The following SPACA7 variants were observed in gnomAD, a reference collection of about 807,000 sequenced individuals.
SPACA7 encodes sperm acrosome associated 7, also known as sperm acrosome-associated protein 7.
A neutral mutation model predicts 26.3 loss-of-function variants in SPACA7; 19 were observed. The observed-to-expected ratio is 0.72, with a 90% CI of 0.50 to 1.06. The LOEUF is 1.06. Ranked by LOEUF, SPACA7 falls within the 50% of genes least tolerant of loss-of-function variation. SPACA7 has a pLI of 0.00. For missense variants in SPACA7, 211 were observed against 229.9 expected, an observed-to-expected ratio of 0.92 and a Z score of 0.53; for synonymous variants, 84 against 84.5, an observed-to-expected ratio of 0.99 and a Z score of 0.04.
Position 112,381,493 on chromosome 13 carries a change from C to CAA in SPACA7, c.94+5014_94+5015insAA, listed in dbSNP as rs1884057942. On this transcript the variant is annotated intron_variant, in intron 1 of 6. Coordinates refer to ENST00000283550, the MANE Select transcript of SPACA7 (RefSeq NM_145248.5). ...GGCTGACAGAATGAGACCCTGTCCC[C>CAA]CAAAAAAAAAAAAAAAAATGCAGAC... 4.9e-5 allele frequency among the ~76,000 whole-genome samples: 7 copies of CAA among 142,664 alleles called. No homozygotes were observed. The South Asian group carries it at 1.6e-3, about 32-fold the overall frequency. 93.6% of individuals were successfully genotyped at this position (142,664 alleles called of 152,430 possible). A position where few individuals can be genotyped will look rare whatever the true frequency, so the allele number is the denominator to read the frequency against.
intron 5 of SPACA7, among the ~76,000 whole-genome samples, chr13:112,414,617 G>A (rs866360240): frequency 4.9e-4 from 74 of 151,888 alleles, no homozygotes; most frequent in African/African-American, 1.8e-3. Context: ...CACCATGTTG[G>A]CCAGGCTGGT....
chr13:112,431,879 GC>G (rs1394497877), intron 5 of SPACA7, among the ~76,000 whole-genome samples: 1 of 152,208 alleles, frequency 6.6e-6, no homozygotes, highest in African/African-American at 2.4e-5. Flanking sequence ...AGAAGCTGGG[GC>G]CGGTTTGGGG....
chr13:112,395,960 C>T (rs1179391618), intron 2 of SPACA7, among the ~76,000 whole-genome samples: 4 of 151,772 alleles, frequency 2.6e-5, no homozygotes, highest in East Asian at 1.9e-4. Context: ...TAGGGAGGCC[C>T]GTGGAAGGGT....
At chr13:112,427,326 A>G (rs140828394) in intron 5 of SPACA7, among the ~76,000 whole-genome samples, 249 of 152,320 alleles carry the variant, frequency 1.6e-3, no homozygotes, top group African/African-American at 5.7e-3. Context: ...CATTAGCCGC[A>G]GCTTGCAGCC....
At chr13:112,433,808 T>C (rs948762771) in intron 6 of SPACA7, among the ~76,000 whole-genome samples, 5 of 152,084 alleles carry the variant, frequency 3.3e-5, no homozygotes, top group African/African-American at 1.2e-4. Flanking sequence ...ACACGCGGTG[T>C]AGAAAGGGCA....
chr13:112,376,581 T>G (rs972280796), intron 1 of SPACA7, 102 bp downstream of exon 1: 1 of 1,248,940 alleles, frequency 8.0e-7, no homozygotes, highest in Non-Finnish European at 1.1e-6. Context: ...CCTACATGAA[T>G]TTACCATTTA....
Position 112,379,674 on chromosome 13 carries a change from G to A in SPACA7, c.94+3195G>A, listed in dbSNP as rs557437044. Among the ~76,000 whole-genome samples the A allele has an allele frequency of 3.9e-5, 6 of 152,308 alleles. No individual in the cohort carries two copies. In the South Asian group the frequency reaches 1.0e-3, roughly 26 times the overall value. ...TGACAATGCTTTTTACGAATTTAAT[G>A]TATCAAATAAAGCTAATTAGTTTAA... is the stretch of plus-strand genomic sequence containing the variant. On this transcript the variant is annotated intron_variant, in intron 1 of 6. Transcript: ENST00000283550.
Position 112,434,535 on chromosome 13 carries a change from C to T in SPACA7, c.574C>T (p.Gln192Ter), listed in dbSNP as rs201651827. The change falls in exon 7 of 7, where the codon CAA (glutamine) becomes TAA (stop). Residue 192 changes from glutamine (Q) to a stop codon, truncating the protein, a stop_gained. Transcript: ENST00000283550. LOFTEE classifies it high-confidence loss of function. ...QQRTSAQRRSQGSQ is the reference protein window; with the variant it reads ...QQRTSAQRRS ...GAGGACCAGCGCACAGAGGAGGAGCCAAGGCAGTCAGTGAGGCCGCAGCCC... is the reference window on the plus strand; with the variant it reads ...GAGGACCAGCGCACAGAGGAGGAGCTAAGGCAGTCAGTGAGGCCGCAGCCC... 2 of 1,608,768 alleles carry T rather than the reference C, an allele frequency of 1.2e-6. No homozygotes were observed. Among genetic ancestry groups the T allele is most frequent in the South Asian group, 2.2e-5 (2 of 89,916 alleles).
chr13:112,402,628 T>A (rs1484106047), intron 5 of SPACA7, among the ~76,000 whole-genome samples: 4 of 151,832 alleles, frequency 2.6e-5, no homozygotes, highest in Non-Finnish European at 5.9e-5. Flanking sequence ...GAAATGCCTA[T>A]AATGTTTATC....
intron 4 of SPACA7, 126 bp downstream of exon 4, chr13:112,399,299 C>T: frequency 1.5e-6 from 1 of 687,732 alleles, no homozygotes; most frequent in Non-Finnish European, 2.6e-6. Context: ...AATGTGCCCA[C>T]TTCCCCTGGT....
chr13:112,399,059 A>G lies in SPACA7; in HGVS notation c.242-7A>G, dbSNP rs1695361026. On this transcript the variant is annotated splice_region_variant and splice_polypyrimidine_tract_variant and intron_variant, in intron 3 of 6. Transcript: ENST00000283550. Reference sequence around the variant, plus strand: ...TTCCCCATTTTTTTCCATGTTCTTCATTGAAGATGCTGGTATTGATGAGAA... The same window carrying G: ...TTCCCCATTTTTTTCCATGTTCTTCGTTGAAGATGCTGGTATTGATGAGAA... 6.4e-7 allele frequency: 1 copy of G among 1,565,136 alleles called. No homozygotes were observed.
chr13:112,431,940 T>A (rs538062318), intron 5 of SPACA7, among the ~76,000 whole-genome samples: 12 of 152,256 alleles, frequency 7.9e-5, no homozygotes, highest in Non-Finnish European at 5.9e-5. Flanking sequence ...TGCCTGCACC[T>A]CTTCCTGAGC....
At chr13:112,404,791 C>G (rs1196708517) in intron 5 of SPACA7, among the ~76,000 whole-genome samples, 1 of 152,076 alleles carries the variant, frequency 6.6e-6, no homozygotes, top group Non-Finnish European at 1.5e-5. Flanking sequence ...TATTTTTATA[C>G]TAGTACCATT....
At chr13:112,421,958 T>C (rs951308639) in intron 5 of SPACA7, among the ~76,000 whole-genome samples, 1 of 152,002 alleles carries the variant, frequency 6.6e-6, no homozygotes, top group Admixed American at 6.6e-5. Context: ...GGGGCCTACT[T>C]GAGAGTGGAG....
intron 5 of SPACA7, among the ~76,000 whole-genome samples, chr13:112,403,815 A>T (rs1885799716): frequency 6.6e-6 from 1 of 151,896 alleles, no homozygotes; most frequent in African/African-American, 2.4e-5. Flanking sequence ...TTCTTTATCC[A>T]CTCATTGATT....
In SPACA7 at chr13:112,381,741, T is replaced by C. The variant is rs554816332; in HGVS notation, c.94+5262T>C. ...AGGGAAGCCAGTGAGGCAAGAGTGC[T>C]GACTGATCAGGGATGAAATCACAGG... On this transcript the variant is annotated intron_variant, in intron 1 of 6. Transcript: ENST00000283550. 2.0e-5 allele frequency among the ~76,000 whole-genome samples: 3 copies of C among 152,282 alleles called. No individual in the cohort carries two copies. In the East Asian group the frequency reaches 5.8e-4, roughly 29 times the overall value.
chr13:112,396,018 C>T (rs59202570), intron 2 of SPACA7, among the ~76,000 whole-genome samples: 19,527 of 118,988 alleles, frequency 0.16, 2,553 homozygotes, highest in Middle Eastern at 0.24. Flanking sequence ...TGGCTCGGCC[C>T]CCCGCCTCTC....
intron 5 of SPACA7, among the ~76,000 whole-genome samples, chr13:112,424,900 G>A (rs973097613): frequency 6.6e-6 from 1 of 152,204 alleles, no homozygotes; most frequent in Non-Finnish European, 1.5e-5. Flanking sequence ...CTTCCTGAAT[G>A]AGAGAGTGCA....
chr13:112,385,036 G>C (rs971416279), intron 1 of SPACA7, among the ~76,000 whole-genome samples: 7 of 152,110 alleles, frequency 4.6e-5, no homozygotes, highest in African/African-American at 1.7e-4. Context: ...AATTTTCTAA[G>C]AAAACCCTAT....
Sources: allele counts gnomAD v4.1 joint callset (sites outside exome capture counted in the v4.1 genomes callset), GRCh38; gene constraint gnomAD v4.1.1; transcripts MANE v1.5; gene names NCBI Gene and HGNC (gene_info 2026-07-23, HGNC 2026-07-21).